The following RIMS2 variants were observed in gnomAD, a reference collection of about 807,000 sequenced individuals.
The protein encoded by RIMS2 is regulating synaptic membrane exocytosis 2.
A neutral mutation model predicts 174.4 loss-of-function variants in RIMS2; 59 were observed. The observed-to-expected ratio is 0.34, with a 90% confidence interval of 0.27 to 0.42. The LOEUF (loss-of-function observed/expected upper bound fraction) is 0.42, where lower values mean the gene tolerates loss of function less well. Ranked by LOEUF, RIMS2 falls within the 10% of genes least tolerant of loss-of-function variation. The pLI, the probability that RIMS2 is intolerant of heterozygous loss-of-function variation, is 1.00. For synonymous variants in RIMS2, 606 were observed against 572.5 expected, an observed-to-expected ratio of 1.06 and a Z score of -0.84; for missense variants, 1,620 against 1,666.3, an observed-to-expected ratio of 0.97 and a Z score of 0.48.
At chr8:103,763,804 C>T (rs934105667) in intron 2 of RIMS2, among the ~76,000 whole-genome samples, 7 of 152,080 alleles carry the variant, frequency 4.6e-5, no homozygotes, top group African/African-American at 1.7e-4. Flanking sequence ...TTTTGGGCTC[C>T]ACAGAAACAA....
rs577749968 is a variant in RIMS2, at chr8:103,574,600, AACT to A, written c.176+73539_176+73541del. 1.9e-4 allele frequency among the ~76,000 whole-genome samples: 29 copies of A among 152,154 alleles called. No homozygotes were observed. In the East Asian group the frequency reaches 4.8e-3, roughly 25 times the overall value. The stretch of plus-strand genomic sequence containing the variant: ...ACTGCAATTCCATTCTCTCTTTCTA[AACT>A]GTCTTTGGTTCCCCTTTATAAATAT... On this transcript the variant is annotated intron_variant, in intron 1 of 23. Coordinates refer to ENST00000504942, the Ensembl canonical transcript of RIMS2.
In RIMS2 at chr8:103,895,422, CT is replaced by C. The variant is rs2099272179; in HGVS notation, c.1624+9204del. On this transcript the variant is annotated intron_variant, in intron 4 of 23. Transcript: ENST00000504942. ...CCCTCTTTCCAAGTTGCAAATAGCT[CT>C]TTTTGCTGTATCCTTACATGATGTG... is the stretch of plus-strand genomic sequence containing the variant. Among the ~76,000 whole-genome samples the C allele has an allele frequency of 3.3e-5, 5 of 151,524 alleles. No homozygotes were observed. In the South Asian group the frequency reaches 1.0e-3, roughly 31 times the overall value.
chr8:103,834,742 T>C (rs532969557), intron 3 of RIMS2, among the ~76,000 whole-genome samples: 33 of 109,528 alleles, frequency 3.0e-4, no homozygotes, highest in African/African-American at 4.7e-4. Context: ...CTTTCTTTCT[T>C]TCTCTCTCTT....
chr8:104,207,307 ATGAGAGG>A (rs2099084952), intron 19 of RIMS2, among the ~76,000 whole-genome samples: 1 of 152,334 alleles, frequency 6.6e-6, no homozygotes, highest in African/African-American at 2.4e-5. Context: ...TAGAGTGGAC[ATGAGAGG>A]TGACATTTAA....
At chr8:103,607,282 A>T (rs1255892320) in intron 1 of RIMS2, among the ~76,000 whole-genome samples, 1 of 152,078 alleles carries the variant, frequency 6.6e-6, no homozygotes, top group Non-Finnish European at 1.5e-5. Context: ...GCTGGATATG[A>T]AATTCTGGGA....
chr8:103,651,580 T>C (rs886117143), intron 1 of RIMS2, among the ~76,000 whole-genome samples: 3 of 152,210 alleles, frequency 2.0e-5, no homozygotes, highest in Non-Finnish European at 2.9e-5. Context: ...ATTATTATAG[T>C]TATTTCTATA....
At chr8:104,057,225 C>T (rs1412546997) in intron 19 of RIMS2, among the ~76,000 whole-genome samples, 2 of 151,886 alleles carry the variant, frequency 1.3e-5, no homozygotes, top group Admixed American at 6.6e-5. Flanking sequence ...TGCTACCGCC[C>T]CCAGCTAAAT....
At chr8:103,856,911 A>G (rs1165068544) in intron 3 of RIMS2, among the ~76,000 whole-genome samples, 4 of 152,140 alleles carry the variant, frequency 2.6e-5, no homozygotes, top group South Asian at 4.1e-4. Flanking sequence ...GGTTCAAGCA[A>G]TTCTCCTGCC....
At chr8:103,940,249 A>G (rs1222535975) in intron 13 of RIMS2, among the ~76,000 whole-genome samples, 1 of 152,192 alleles carries the variant, frequency 6.6e-6, no homozygotes, top group East Asian at 1.9e-4. Flanking sequence ...TCATGGTGGA[A>G]GGCAAGGAGG....
intron 1 of RIMS2, among the ~76,000 whole-genome samples, chr8:103,663,557 T>C (rs987023326): frequency 1.3e-5 from 2 of 152,086 alleles, no homozygotes; most frequent in Non-Finnish European, 2.9e-5. Context: ...ATAAAATACC[T>C]AGGAATCTAA....
chr8:103,555,528 T>C (rs1850017558), intron 1 of RIMS2, among the ~76,000 whole-genome samples: 1 of 152,016 alleles, frequency 6.6e-6, no homozygotes, highest in Non-Finnish European at 1.5e-5. Flanking sequence ...ATATCCAAAC[T>C]ATATGATTTC....
intron 1 of RIMS2, among the ~76,000 whole-genome samples, chr8:103,516,321 A>T (rs1004329591): frequency 1.3e-5 from 2 of 152,164 alleles, no homozygotes; most frequent in Non-Finnish European, 2.9e-5. Context: ...TATATTGCTG[A>T]AATAATTATT....
chr8:104,136,190 C>A (rs1051570079), intron 19 of RIMS2, among the ~76,000 whole-genome samples: 2 of 152,094 alleles, frequency 1.3e-5, no homozygotes, highest in African/African-American at 4.8e-5. Flanking sequence ...TTTTTGATGA[C>A]CCATTTATTG....
intron 1 of RIMS2, among the ~76,000 whole-genome samples, chr8:103,610,252 A>G (rs1223986493): frequency 6.6e-6 from 1 of 152,164 alleles, no homozygotes; most frequent in Non-Finnish European, 1.5e-5. Context: ...GAGGTTTTAT[A>G]GATATAGAAC....
chr8:103,785,577 G>A (rs1462593046), intron 3 of RIMS2, among the ~76,000 whole-genome samples: 3 of 152,118 alleles, frequency 2.0e-5, no homozygotes, highest in African/African-American at 7.2e-5. Context: ...TACATTTATT[G>A]ATTTGTGTAT....
chr8:104,063,364 G>A (rs1055005468), intron 19 of RIMS2, among the ~76,000 whole-genome samples: 1 of 151,778 alleles, frequency 6.6e-6, no homozygotes, highest in East Asian at 1.9e-4. Context: ...CCTTAGTTTT[G>A]TAAAGACATA....
At chr8:103,818,552 T>C (rs748266964) in intron 3 of RIMS2, among the ~76,000 whole-genome samples, 7 of 152,138 alleles carry the variant, frequency 4.6e-5, no homozygotes, top group Non-Finnish European at 1.0e-4. Flanking sequence ...TGAAATAAAT[T>C]AGTAATAATT....
At chr8:103,660,097 G>A (rs2096579810) in intron 1 of RIMS2, among the ~76,000 whole-genome samples, 1 of 152,194 alleles carries the variant, frequency 6.6e-6, no homozygotes, top group Admixed American at 6.5e-5. Context: ...GCCTGCTGCC[G>A]TGTCCTCAGT....
chr8:103,991,380 A>C (rs1033201775), intron 17 of RIMS2, among the ~76,000 whole-genome samples: 10 of 151,846 alleles, frequency 6.6e-5, no homozygotes, highest in African/African-American at 2.4e-4. Context: ...TATCTGTGTA[A>C]TTATTTATTA....
Sources: allele counts gnomAD v4.1 joint callset (sites outside exome capture counted in the v4.1 genomes callset), GRCh38; gene constraint gnomAD v4.1.1; transcripts MANE v1.5; gene names NCBI Gene and HGNC (gene_info 2026-07-23, HGNC 2026-07-21).